STK32A: variants seen among roughly 807,000 people sequenced by gnomAD.
STK32A encodes serine/threonine-protein kinase 32A.
STK32A carries 41 observed loss-of-function variants against 53.2 expected under a neutral mutation model. The ratio of observed to expected loss-of-function variants is 0.77; its 90% CI spans 0.60 to 1.00. The LOEUF is 1.00. Ranked by LOEUF, STK32A falls within the 50% of genes least tolerant of loss-of-function variation. STK32A has a pLI of 0.00. For missense variants in STK32A, 458 were observed against 485.8 expected (o/e 0.94, Z 0.54); for synonymous variants, 166 against 162.8 (o/e 1.02, Z -0.15).
chr5:147,275,753 G>T (rs1221942743), intron 2 of STK32A, among the ~76,000 whole-genome samples: 1 of 152,286 alleles, frequency 6.6e-6, no homozygotes, highest in Non-Finnish European at 1.5e-5. Flanking sequence ...TAAATGAGAT[G>T]AATTGCTCTA....
At chr5:147,367,883 C>T (rs929201040) in intron 8 of STK32A, among the ~76,000 whole-genome samples, 4 of 152,140 alleles carry the variant, frequency 2.6e-5, no homozygotes, top group Non-Finnish European at 5.9e-5. Context: ...CCTGCAATTA[C>T]GTTTCAAAAT....
chr5:147,249,500 G>C (rs911570550), intron 2 of STK32A, among the ~76,000 whole-genome samples: 1 of 151,658 alleles, frequency 6.6e-6, no homozygotes, highest in African/African-American at 2.4e-5. Flanking sequence ...CTAGTTTTCT[G>C]GGGGGTGGGA....
At chr5:147,245,763 G>A (rs952323901) in intron 2 of STK32A, among the ~76,000 whole-genome samples, 1 of 152,194 alleles carries the variant, frequency 6.6e-6, no homozygotes, top group African/African-American at 2.4e-5. Flanking sequence ...CCCTGAGTTT[G>A]CAGAGAGTTC....
the STK32A span, among the ~76,000 whole-genome samples, chr5:147,401,075 C>T: frequency 6.6e-6 from 1 of 152,156 alleles, no homozygotes; most frequent in Non-Finnish European, 1.5e-5. Flanking sequence ...ATAAAATGTA[C>T]TCAAATGAGC....
chr5:147,359,702 G>T (rs1756407551), intron 7 of STK32A, among the ~76,000 whole-genome samples: 1 of 152,144 alleles, frequency 6.6e-6, no homozygotes, highest in Admixed American at 6.5e-5. Context: ...GTAGTGTGGG[G>T]TCAGGGCCAT....
At chr5:147,247,654 C>T (rs2400283) in intron 2 of STK32A, among the ~76,000 whole-genome samples, 62,460 of 152,030 alleles carry the variant, frequency 0.41, 12,971 homozygotes, top group Admixed American at 0.45. Flanking sequence ...GTCTCTGTCA[C>T]AACTACTCAA....
chr5:147,365,484 C>T (rs1756699792), intron 8 of STK32A, among the ~76,000 whole-genome samples: 1 of 151,156 alleles, frequency 6.6e-6, no homozygotes, highest in Admixed American at 6.6e-5. Flanking sequence ...TTTTTATCTC[C>T]TGATGGGCTT....
intron 8 of STK32A, among the ~76,000 whole-genome samples, chr5:147,365,608 C>T (rs1315995844): frequency 6.6e-6 from 1 of 151,906 alleles, no homozygotes; most frequent in Non-Finnish European, 1.5e-5. Context: ...AACATATCTG[C>T]TCTTTCCCAC....
intron 4 of STK32A, among the ~76,000 whole-genome samples, chr5:147,290,505 G>A (rs11952753): frequency 0.33 from 50,685 of 151,974 alleles, 8,830 homozygotes; most frequent in South Asian, 0.6. Context: ...AAAACAAATA[G>A]GCCCCAGTCT....
chr5:147,235,698 T>C (rs72822024), intron 1 of STK32A, among the ~76,000 whole-genome samples: 6,661 of 152,314 alleles, frequency 0.044, 213 homozygotes, highest in East Asian at 0.13. Flanking sequence ...ATCCACTCTC[T>C]CATGCCATTT....
At chr5:147,306,660 T>C (rs1753424147) in intron 4 of STK32A, among the ~76,000 whole-genome samples, 1 of 152,032 alleles carries the variant, frequency 6.6e-6, no homozygotes, top group Non-Finnish European at 1.5e-5. Flanking sequence ...CACTGGAATG[T>C]CATTTGCTTG....
intron 11 of STK32A, chr5:147,383,014 T>C (rs1757513083): frequency 6.0e-6 from 1 of 167,782 alleles, no homozygotes; most frequent in Non-Finnish European, 1.3e-5. Flanking sequence ...ACCCTGACTC[T>C]CACAGGCTGT....
chr5:147,333,038 T>C (rs1233892549), intron 5 of STK32A, among the ~76,000 whole-genome samples: 1 of 152,198 alleles, frequency 6.6e-6, no homozygotes, highest in Non-Finnish European at 1.5e-5. Flanking sequence ...CAACCTGTGA[T>C]TTGGTCCAAG....
chr5:147,375,207 G>A lies in STK32A; in HGVS notation c.1021G>A (p.Asp341Asn), dbSNP rs1025204382. ...GAAGGAGAAGGATATGAGGAAATGC[G>A]ATTCTTCTCAGGTAAGCAGGTCCCC... ...AKKEKDMRKC[D>N]SSQTCLLQEH... The change falls in exon 11 of 13, where the codon GAT becomes AAT. Residue 341 changes from aspartate (D) to asparagine (N), a missense_variant. Physicochemically the swap from Asp to Asn is conservative, Grantham distance 23 (BLOSUM62 1). Coordinates refer to ENST00000397936, the MANE Select transcript of STK32A (RefSeq NM_001112724.2). The A allele has an allele frequency of 3.7e-6, 6 of 1,610,504 alleles. No homozygotes were observed. The highest frequency in any genetic ancestry group is 4.2e-6 in the Non-Finnish European group (5 of 1,178,454).
At chr5:147,353,014 G>T (rs1756055417) in intron 7 of STK32A, among the ~76,000 whole-genome samples, 1 of 152,180 alleles carries the variant, frequency 6.6e-6, no homozygotes. Flanking sequence ...TGGAGTCTAG[G>T]CATAGTGTGA....
intron 4 of STK32A, among the ~76,000 whole-genome samples, chr5:147,319,542 T>C (rs1413543705): frequency 6.6e-6 from 1 of 152,118 alleles, no homozygotes; most frequent in Non-Finnish European, 1.5e-5. Flanking sequence ...AATACTAGTT[T>C]TTAAAAAATG....
At chr5:147,364,158 T>C (rs1756641177) in intron 8 of STK32A, among the ~76,000 whole-genome samples, 1 of 141,260 alleles carries the variant, frequency 7.1e-6, no homozygotes, top group South Asian at 2.2e-4. Flanking sequence ...GATGTTGCAG[T>C]GAGCTGAGAA....
chr5:147,322,615 T>G (rs1754373193), intron 4 of STK32A, among the ~76,000 whole-genome samples: 1 of 152,222 alleles, frequency 6.6e-6, no homozygotes, highest in African/African-American at 2.4e-5. Context: ...TTGATTCAAA[T>G]GAAACTTTAA....
chr5:147,308,164 G>A (rs200263694), intron 4 of STK32A, among the ~76,000 whole-genome samples: 13 of 93,444 alleles, frequency 1.4e-4, no homozygotes, highest in East Asian at 1.0e-3. Flanking sequence ...ATATATATAT[G>A]TGTGTACATG....
Sources: gnomAD v4.1 joint callset for allele counts (sites outside exome capture counted in the v4.1 genomes callset) on GRCh38, gnomAD v4.1.1 for gene constraint, MANE v1.5 for transcripts, NCBI Gene and HGNC (gene_info 2026-07-23, HGNC 2026-07-21) for gene names.